The following PLEKHA5 variants were observed in gnomAD, a reference collection of about 807,000 sequenced individuals.
PLEKHA5 encodes the protein pleckstrin homology domain containing A5.
PLEKHA5 carries 55 observed loss-of-function variants against 181.9 expected under a neutral mutation model. That is an observed-to-expected ratio of 0.30 (90% CI 0.24 to 0.38). The LOEUF (loss-of-function observed/expected upper bound fraction) is 0.38, where lower values mean the gene tolerates loss of function less well. Among genes scored for constraint, PLEKHA5 ranks in the 10% least tolerant of loss-of-function variants. The pLI is 1.00. For missense variants in PLEKHA5, 1,432 were observed against 1,549.5 expected (o/e 0.92, Z 1.27); for synonymous variants, 535 against 529.4 (o/e 1.01, Z -0.15).
chr12:19,342,504 A>G (rs1365767139), intron 21 of PLEKHA5, among the ~76,000 whole-genome samples: 2 of 152,184 alleles, frequency 1.3e-5, no homozygotes, highest in Admixed American at 6.5e-5. Context: ...TAAAAATACA[A>G]AATTAGCCGG....
At chr12:19,186,944 A>G (rs903080281) in intron 3 of PLEKHA5, among the ~76,000 whole-genome samples, 21 of 152,214 alleles carry the variant, frequency 1.4e-4, no homozygotes, top group African/African-American at 5.1e-4. Flanking sequence ...GATGTTGTAA[A>G]TAAGTAATTA....
intron 14 of PLEKHA5, 120 bp from the exon 15 acceptor site, chr12:19,291,524 C>A: frequency 3.4e-6 from 2 of 585,482 alleles, no homozygotes; most frequent in Non-Finnish European, 6.0e-6. Context: ...TGAAAGTTGT[C>A]GTGTACTGTG....
chr12:19,172,789 T>C (rs915790881), intron 3 of PLEKHA5, among the ~76,000 whole-genome samples: 2 of 152,068 alleles, frequency 1.3e-5, no homozygotes, highest in Non-Finnish European at 2.9e-5. Flanking sequence ...TACAGTCACA[T>C]GGCTAGAAAA....
rs1231975814 is a variant in PLEKHA5 at position 19,301,146 on chromosome 12, G to A, written c.2037+9449G>A. ...GCCTGGGCAACAAGAGCGAAACTCC[G>A]TCTCAAAAATAAAATAAAATTCAAG... On this transcript the variant is annotated intron_variant, in intron 15 of 31. Coordinates refer to ENST00000429027, the MANE Select transcript of PLEKHA5 (RefSeq NM_001256470.2). Among the ~76,000 whole-genome samples, 9 of 152,046 alleles carry A rather than the reference G, an allele frequency of 5.9e-5. No homozygotes were observed. In the South Asian group the frequency reaches 1.0e-3, roughly 18 times the overall value.
intron 3 of PLEKHA5, among the ~76,000 whole-genome samples, chr12:19,209,352 C>T (rs1011504833): frequency 3.9e-5 from 6 of 152,154 alleles, no homozygotes; most frequent in African/African-American, 1.4e-4. Context: ...GAAGCTTGCA[C>T]CAACAGACTA....
At chr12:19,149,736 T>C (rs1178887467) in intron 3 of PLEKHA5, 1 of 152,124 alleles carries the variant, frequency 6.6e-6, no homozygotes, top group Non-Finnish European at 1.5e-5. Flanking sequence ...TGACTCTTCC[T>C]CTAATAGGTT....
At chr12:19,331,075 T>A (rs1046228311) in intron 20 of PLEKHA5, among the ~76,000 whole-genome samples, 1 of 152,142 alleles carries the variant, frequency 6.6e-6, no homozygotes, top group African/African-American at 2.4e-5. Flanking sequence ...GAAACCCTAA[T>A]TGAGAAGCAA....
Position 19,314,842 on chromosome 12 carries a change from T to C in PLEKHA5, c.2066T>C (p.Met689Thr), listed in dbSNP as rs1177080958. 6.5e-7 allele frequency: 1 copy of C among 1,547,276 alleles called. No individual in the cohort carries two copies. Among genetic ancestry groups the C allele is most frequent in the East Asian group, 2.4e-5 (1 of 40,868 alleles). ...QMKENEPIIT[M>T]VHTMIENSAL... ...AAAGAAAATGAACCTATTATCACCA[T>C]GGTTCACACAATGATTGAGAACTCG... is the stretch of plus-strand genomic sequence containing the variant. Residue 689 changes from methionine to threonine, a missense_variant, in exon 16 of 32, where the codon ATG becomes ACG. Met to Thr is a moderately conservative substitution (Grantham distance 81). Around this residue, in one of 2 missense-constraint regions of PLEKHA5, gnomAD observed 1,143 missense variants for 1,168.4 expected, o/e 0.98. Transcript: ENST00000429027.
chr12:19,348,296 T>C (rs1272571698), intron 24 of PLEKHA5, 103 bp from the exon 25 acceptor site: 5 of 806,834 alleles, frequency 6.2e-6, no homozygotes, highest in African/African-American at 5.4e-5. Context: ...GATGGCTCAC[T>C]AGGGCTACTA....
intron 3 of PLEKHA5, chr12:19,201,369 A>C (rs1279756415): frequency 1.3e-5 from 2 of 152,098 alleles, no homozygotes; most frequent in Non-Finnish European, 2.9e-5. Flanking sequence ...GAGAAACTCA[A>C]ACTCTGTTAC....
intron 16 of PLEKHA5, among the ~76,000 whole-genome samples, chr12:19,316,180 A>T (rs10743316): frequency 0.91 from 138,967 of 152,076 alleles, 64,349 homozygotes; most frequent in Non-Finnish European, 1. Context: ...ATCATCTATA[A>T]GATGCTAAAT....
chr12:19,233,425 G>A (rs2060925072), intron 3 of PLEKHA5, among the ~76,000 whole-genome samples: 1 of 152,170 alleles, frequency 6.6e-6, no homozygotes, highest in Non-Finnish European at 1.5e-5. Context: ...GTTAGGTACT[G>A]TATGGAAAAG....
rs140576338 is a variant in PLEKHA5 at position 19,240,145 on chromosome 12, A to G, written c.228-13795A>G. Among the ~76,000 whole-genome samples the G allele has an allele frequency of 3.9e-3, 589 of 152,314 alleles. 3 individuals carry two copies. The highest frequency in any genetic ancestry group is 0.014 in the African/African-American group (569 of 41,582). Reference sequence around the variant, plus strand: ...TGAAAATGAATACTGCACGATACGGAATAAGTGATTAGCAGTTTTTCCCCT... The same window carrying G: ...TGAAAATGAATACTGCACGATACGGGATAAGTGATTAGCAGTTTTTCCCCT... On this transcript the variant is annotated intron_variant, in intron 3 of 31. Coordinates refer to ENST00000429027, the MANE Select transcript of PLEKHA5 (RefSeq NM_001256470.2).
At chr12:19,197,957 G>A (rs1322897221) in intron 3 of PLEKHA5, among the ~76,000 whole-genome samples, 1 of 151,912 alleles carries the variant, frequency 6.6e-6, no homozygotes, top group Non-Finnish European at 1.5e-5. Flanking sequence ...TCATCAGTGA[G>A]CCCTGTTGAC....
intron 15 of PLEKHA5, chr12:19,307,194 C>G: frequency 1.5e-6 from 1 of 648,306 alleles, no homozygotes. Flanking sequence ...AGAAAGGGGC[C>G]CCACATGGTG....
intron 3 of PLEKHA5, among the ~76,000 whole-genome samples, chr12:19,164,667 T>C (rs1230857731): frequency 6.6e-6 from 1 of 152,204 alleles, no homozygotes; most frequent in Non-Finnish European, 1.5e-5. Flanking sequence ...AACTCAGTCT[T>C]GTCCCTTGGC....
At chr12:19,250,114 C>T (rs185910032) in intron 3 of PLEKHA5, among the ~76,000 whole-genome samples, 12 of 152,062 alleles carry the variant, frequency 7.9e-5, no homozygotes, top group African/African-American at 1.2e-4. Context: ...CCCCTGGAGG[C>T]GAAATCACCC....
intron 17 of PLEKHA5, 139 bp downstream of exon 17, chr12:19,320,195 CTTAAT>C (rs2090272673): frequency 5.0e-6 from 2 of 402,168 alleles, no homozygotes; most frequent in Admixed American, 4.5e-5. Context: ...TTGAACTATG[CTTAAT>C]TTAAGTATTT....
intron 3 of PLEKHA5, among the ~76,000 whole-genome samples, chr12:19,221,130 A>G (rs2058870377): frequency 6.6e-6 from 1 of 152,174 alleles, no homozygotes. Context: ...ATGATTCTGC[A>G]GTCATGCTCC....
Sources: allele counts gnomAD v4.1 joint callset (sites outside exome capture counted in the v4.1 genomes callset), GRCh38; gene constraint gnomAD v4.1.1; regional missense constraint gnomAD v4.1.1; transcripts MANE v1.5; gene names NCBI Gene and HGNC (gene_info 2026-07-23, HGNC 2026-07-21).